The following TNS3 variants were observed in gnomAD, a reference collection of about 807,000 sequenced individuals.
TNS3 encodes tensin 3, also known as tensin-3.
Under a neutral mutation model 140.9 loss-of-function variants are expected in TNS3, and 45 were observed. That is an observed-to-expected ratio of 0.32 (90% CI 0.25 to 0.41). The LOEUF is 0.41. Among genes scored for constraint, TNS3 ranks in the 10% least tolerant of loss-of-function variants. The probability of loss-of-function intolerance (pLI) is 1.00; values close to 1 mark genes in which losing one functional copy is unlikely to be tolerated. For missense variants in TNS3, 1,716 were observed against 1,906.7 expected (o/e 0.90, Z 1.86); for synonymous variants, 815 against 788.4 (o/e 1.03, Z -0.56).
At chr7:47,362,466 C>A (rs1297429921) in intron 17 of TNS3, among the ~76,000 whole-genome samples, 1 of 152,156 alleles carries the variant, frequency 6.6e-6, no homozygotes, top group African/African-American at 2.4e-5. Context: ...CTGTCCCAGA[C>A]CCCTGTATTT....
intron 12 of TNS3, among the ~76,000 whole-genome samples, chr7:47,412,447 C>T (rs890132326): frequency 6.6e-6 from 1 of 152,082 alleles, no homozygotes; most frequent in Non-Finnish European, 1.5e-5. Context: ...AGTGAAACCC[C>T]GTCTCTACAA....
chr7:47,576,036 C>T (rs1370372556), intron 1 of TNS3, among the ~76,000 whole-genome samples: 2 of 152,066 alleles, frequency 1.3e-5, no homozygotes, highest in African/African-American at 2.4e-5. Context: ...CCTGTCCACC[C>T]GGCTCTGCAG....
At chr7:47,517,418 G>A (rs936124920) in intron 2 of TNS3, among the ~76,000 whole-genome samples, 3 of 152,206 alleles carry the variant, frequency 2.0e-5, no homozygotes, top group South Asian at 2.1e-4. Context: ...GATAAGTCTC[G>A]TCGGGAAAGG....
intron 4 of TNS3, among the ~76,000 whole-genome samples, chr7:47,469,289 G>T (rs895250060): frequency 5.9e-5 from 9 of 152,186 alleles, no homozygotes; most frequent in African/African-American, 2.2e-4. Context: ...ACTATCAACA[G>T]AGTAAACAGA....
rs114169237 is a variant in TNS3 at position 47,407,235 on chromosome 7, G to A, written c.723+4492C>T. ...ACCCTGGGTTTCTACTCTCCAGGTC[G>A]ACCACAGATGTGAGCTCTGCTGTGA... is the stretch of plus-strand genomic sequence containing the variant. On this transcript the variant is annotated intron_variant, in intron 13 of 30. Coordinates refer to ENST00000311160, the MANE Select transcript of TNS3 (RefSeq NM_022748.12). This position sits in a 1 kb window ranked among gnomAD's most constrained non-coding sequence, Gnocchi z 4.1. Among the ~76,000 whole-genome samples, 963 of 152,216 alleles carry A rather than the reference G, an allele frequency of 6.3e-3. 5 individuals carry two copies. Among genetic ancestry groups the A allele is most frequent in the African/African-American group, 0.021 (890 of 41,520 alleles).
chr7:47,489,396 A>G (rs975419087), intron 3 of TNS3, among the ~76,000 whole-genome samples: 2 of 152,222 alleles, frequency 1.3e-5, no homozygotes, highest in African/African-American at 4.8e-5. Context: ...TAGGGGCCTC[A>G]GTTTCCCCTT....
At chr7:47,519,429 C>T (rs1170863600) in intron 2 of TNS3, among the ~76,000 whole-genome samples, 1 of 152,194 alleles carries the variant, frequency 6.6e-6, no homozygotes, top group Non-Finnish European at 1.5e-5. Flanking sequence ...TTGTCTCCTT[C>T]AAATACACAT....
intron 23 of TNS3, among the ~76,000 whole-genome samples, chr7:47,301,692 G>C (rs1249942739): frequency 6.6e-6 from 1 of 150,472 alleles, no homozygotes. Flanking sequence ...TGTCTGGTTT[G>C]TGTGTGAGGC....
intron 1 of TNS3, among the ~76,000 whole-genome samples, chr7:47,544,143 CAGCTA>C (rs1799861939): frequency 6.6e-6 from 1 of 152,106 alleles, no homozygotes; most frequent in Non-Finnish European, 1.5e-5. Flanking sequence ...CAGCCCCCTC[CAGCTA>C]AGTCCCTGGT....
chr7:47,393,715 A>C (rs1792665889), intron 16 of TNS3, among the ~76,000 whole-genome samples: 1 of 152,134 alleles, frequency 6.6e-6, no homozygotes, highest in African/African-American at 2.4e-5. Context: ...CTGCTGCTTT[A>C]TGAAGCCTGG....
chr7:47,286,551 C>T (rs545493025), intron 27 of TNS3, among the ~76,000 whole-genome samples: 1 of 152,108 alleles, frequency 6.6e-6, no homozygotes, highest in Non-Finnish European at 1.5e-5. Context: ...GTAAGAGTTA[C>T]CAGGAAGGCA....
In TNS3 at chr7:47,276,069, T is replaced by C. The variant is rs1784857626; in HGVS notation, c.*2007A>G. On this transcript the variant is annotated 3_prime_UTR_variant, in exon 31 of 31. Transcript: ENST00000311160. Reference sequence around the variant, plus strand: ...GGAAAGTACAAACCTCTGCTCCCTGTGGCCACATTCCTGCAGTGGATGAAA... The same window carrying C: ...GGAAAGTACAAACCTCTGCTCCCTGCGGCCACATTCCTGCAGTGGATGAAA... 1 of 320,136 alleles carries C rather than the reference T, an allele frequency of 3.1e-6. No individual in the cohort carries two copies. The highest frequency in any genetic ancestry group is 6.2e-6 in the Non-Finnish European group (1 of 162,106). 19.8% of individuals were successfully genotyped at this position (320,136 alleles called of 1,614,324 possible).
intron 15 of TNS3, 46 bp from the exon 16 acceptor site, chr7:47,396,950 A>G: frequency 7.1e-7 from 1 of 1,409,432 alleles, no homozygotes; most frequent in South Asian, 1.2e-5. Flanking sequence ...GAAACCCATC[A>G]CCTCCATCCA....
intron 13 of TNS3, chr7:47,403,455 A>G (rs796560778): frequency 6.6e-6 from 1 of 152,188 alleles, no homozygotes; most frequent in East Asian, 1.9e-4. Flanking sequence ...GGTCTATCCC[A>G]CTGGCAGAGA....
chr7:47,316,777 CAA>C (rs766794024), intron 20 of TNS3, among the ~76,000 whole-genome samples: 456 of 55,988 alleles, frequency 8.1e-3, no homozygotes, highest in African/African-American at 0.023. Context: ...GACTCCATCT[CAA>C]AAAAAAAAAA....
At chr7:47,571,221 TAC>T (rs2152016928) in intron 1 of TNS3, among the ~76,000 whole-genome samples, 1 of 152,306 alleles carries the variant, frequency 6.6e-6, no homozygotes, top group African/African-American at 2.4e-5. Context: ...GAACCTCGGG[TAC>T]ACAGTGTCGA....
chr7:47,534,002 G>A (rs1013292697), intron 1 of TNS3, among the ~76,000 whole-genome samples: 3 of 152,132 alleles, frequency 2.0e-5, no homozygotes, highest in Non-Finnish European at 4.4e-5. Flanking sequence ...GGCCAAGCGC[G>A]GTGGCTCATG....
chr7:47,543,922 G>A (rs1185647641), intron 1 of TNS3, among the ~76,000 whole-genome samples: 3 of 152,114 alleles, frequency 2.0e-5, no homozygotes, highest in Non-Finnish European at 2.9e-5. Flanking sequence ...GTTTTTGCCC[G>A]CCCTGGGGAA....
intron 1 of TNS3, among the ~76,000 whole-genome samples, chr7:47,548,945 C>T (rs1057218120): frequency 6.6e-6 from 1 of 152,198 alleles, no homozygotes; most frequent in African/African-American, 2.4e-5. Context: ...CAAGTCTCAA[C>T]CTTGGGGCTC....
Sources: allele counts gnomAD v4.1 joint callset (sites outside exome capture counted in the v4.1 genomes callset), GRCh38; gene constraint gnomAD v4.1.1; non-coding constraint Gnocchi (gnomAD v3.1); transcripts MANE v1.5; gene names NCBI Gene and HGNC (gene_info 2026-07-23, HGNC 2026-07-21).